Variants in GDAP1L1 observed in about 807,000 individuals in gnomAD.
GDAP1L1 encodes the protein ganglioside induced differentiation associated protein 1 like 1.
Under a neutral mutation model 37.1 loss-of-function variants are expected in GDAP1L1, and 21 were observed. The ratio of observed to expected loss-of-function variants is 0.57; its 90% CI spans 0.40 to 0.81. GDAP1L1 has a LOEUF of 0.81. GDAP1L1 is among the 40% of genes least tolerant of loss of function. The probability of loss-of-function intolerance (pLI) is 0.00; values close to 1 mark genes in which losing one functional copy is unlikely to be tolerated. For synonymous variants in GDAP1L1, 193 were observed against 209.1 expected (o/e 0.92, Z 0.67); for missense variants, 362 against 491.6 (o/e 0.74, Z 2.49).
chr20:44,278,916 G>A lies in GDAP1L1; in HGVS notation c.761-41G>A. 7 of 1,324,616 alleles carry A rather than the reference G, an allele frequency of 5.3e-6. No homozygotes were observed. The East Asian group carries it at 1.6e-4, about 30-fold the overall frequency. 82.1% of individuals were successfully genotyped at this position (1,324,616 alleles called of 1,614,324 possible). On this transcript the variant is annotated intron_variant, in intron 5 of 5. Transcript: ENST00000342560. ...TGGAGAGAAGCAAGTGTGTGTGTTA[G>A]GGGAGGCTGATCCCCTTGCCTCCTC...
intron 5 of GDAP1L1, chr20:44,265,176 A>G: frequency 1.0e-6 from 1 of 985,324 alleles, no homozygotes; most frequent in Non-Finnish European, 1.2e-6. Context: ...CAGACATCCA[A>G]GCTCACCCAG....
intron 1 of GDAP1L1, among the ~76,000 whole-genome samples, chr20:44,250,004 A>G (rs1044198346): frequency 1.4e-4 from 21 of 152,244 alleles, no homozygotes; most frequent in African/African-American, 4.3e-4. Flanking sequence ...CCTGGCATGT[A>G]GTAGGAGCTT....
chr20:44,247,236 G>A (rs1298416215), upstream of GDAP1L1: 1 of 1,191,140 alleles, frequency 8.4e-7, no homozygotes, highest in Non-Finnish European at 1.2e-6. Flanking sequence ...GGGGAGGGAG[G>A]GAGGAGAGGG....
rs138065743 is a variant in GDAP1L1, at chr20:44,253,572, G to C, written c.181-3581G>C. ...CTGACCCATGACAATGCGGCACTGT[G>C]GGTGATTTTCAGGCACCAACAGGGA... On this transcript the variant is annotated intron_variant, in intron 1 of 5. Transcript: ENST00000342560. 6.7e-3 allele frequency among the ~76,000 whole-genome samples: 1,025 copies of C among 152,312 alleles called. 17 individuals are homozygous for C. The highest frequency in any genetic ancestry group is 0.024 in the African/African-American group (980 of 41,574).
rs540534647 is a variant in GDAP1L1 at position 44,257,469 on chromosome 20, C to A, written c.373+124C>A. The A allele has an allele frequency of 5.4e-4, 529 of 985,746 alleles. 2 individuals are homozygous for A. The highest frequency in any genetic ancestry group is 8.2e-4 in the Admixed American group (30 of 36,472). 61.1% of individuals were successfully genotyped at this position (985,746 alleles called of 1,614,324 possible). On this transcript the variant is annotated intron_variant, in intron 2 of 5. Transcript: ENST00000342560. Reference sequence around the variant, plus strand: ...AAATTCACTGGAGCCATGGGCAAGGCCCAGTCTCCCCAAAAAGGAGCCACA... The same window carrying A: ...AAATTCACTGGAGCCATGGGCAAGGACCAGTCTCCCCAAAAAGGAGCCACA...
At chr20:44,255,034 C>A (rs1242423403) in intron 1 of GDAP1L1, among the ~76,000 whole-genome samples, 2 of 152,086 alleles carry the variant, frequency 1.3e-5, no homozygotes, top group African/African-American at 2.4e-5. Context: ...GTGACTTGTT[C>A]AAGGTCACAC....
At chr20:44,260,901 G>A (rs1339270944) in intron 3 of GDAP1L1, among the ~76,000 whole-genome samples, 4 of 152,168 alleles carry the variant, frequency 2.6e-5, no homozygotes, top group East Asian at 1.9e-4. Context: ...TGCATTTTAC[G>A]AAGATCTCTC....
At chr20:44,255,260 G>A (rs568486169) in intron 1 of GDAP1L1, among the ~76,000 whole-genome samples, 2 of 152,226 alleles carry the variant, frequency 1.3e-5, no homozygotes, top group East Asian at 1.9e-4. Flanking sequence ...AAGTAAAGCT[G>A]CCCAGGCATG....
chr20:44,258,750 C>A, intron 3 of GDAP1L1, 143 bp downstream of exon 3: 1 of 648,646 alleles, frequency 1.5e-6, no homozygotes, highest in African/African-American at 1.8e-5. Flanking sequence ...CTCCATTTGT[C>A]CCCGCCTCTC....
intron 4 of GDAP1L1, among the ~76,000 whole-genome samples, chr20:44,263,661 T>C (rs1458712964): frequency 6.6e-6 from 1 of 152,104 alleles, no homozygotes; most frequent in Non-Finnish European, 1.5e-5. Flanking sequence ...CTGGCCAACA[T>C]GGTGAAACCC....
intron 5 of GDAP1L1, among the ~76,000 whole-genome samples, chr20:44,272,048 G>T (rs2062522291): frequency 6.6e-6 from 1 of 152,168 alleles, no homozygotes; most frequent in African/African-American, 2.4e-5. Flanking sequence ...CATCACTGTT[G>T]CTCTCCCTCC....
intron 1 of GDAP1L1, 94 bp from the exon 2 acceptor site, chr20:44,257,059 C>T: frequency 1.5e-6 from 2 of 1,316,746 alleles, no homozygotes; most frequent in Middle Eastern, 2.7e-4. Context: ...CTGTGTGTGA[C>T]CTCTGACCTC....
At chr20:44,263,097 T>G (rs945273366) in intron 3 of GDAP1L1, 133 bp from the exon 4 acceptor site, 2 of 722,312 alleles carry the variant, frequency 2.8e-6, no homozygotes, top group Non-Finnish European at 5.0e-6. Flanking sequence ...CAGTGCTCCC[T>G]AAGTGTTGGC....
At chr20:44,276,346 G>C (rs2062573183) in intron 5 of GDAP1L1, among the ~76,000 whole-genome samples, 1 of 137,420 alleles carries the variant, frequency 7.3e-6, no homozygotes, top group Admixed American at 7.5e-5. Flanking sequence ...AAGAAAGAAA[G>C]AAAGAAGGAA....
intron 5 of GDAP1L1, among the ~76,000 whole-genome samples, chr20:44,273,365 T>A (rs2036979801): frequency 6.6e-6 from 1 of 152,188 alleles, no homozygotes; most frequent in South Asian, 2.1e-4. Context: ...ACCTAGTCCC[T>A]GGGCCTGTTC....
At chr20:44,257,735 G>C (rs1232257738) in intron 2 of GDAP1L1, among the ~76,000 whole-genome samples, 1 of 152,134 alleles carries the variant, frequency 6.6e-6, no homozygotes, top group Non-Finnish European at 1.5e-5. Context: ...ATCTCCCAGG[G>C]GTTACAGGGC....
At chr20:44,260,454 G>A (rs547557952) in intron 3 of GDAP1L1, among the ~76,000 whole-genome samples, 14 of 152,230 alleles carry the variant, frequency 9.2e-5, no homozygotes, top group Middle Eastern at 3.4e-3. Flanking sequence ...GCAGAGGACA[G>A]AGATTTACTT....
At chr20:44,269,421 G>A (rs937214590) in intron 5 of GDAP1L1, among the ~76,000 whole-genome samples, 1 of 152,098 alleles carries the variant, frequency 6.6e-6, no homozygotes. Context: ...GAGTTGTTCC[G>A]GTTTTATATT....
intron 3 of GDAP1L1, among the ~76,000 whole-genome samples, chr20:44,259,494 T>A (rs2073634378): frequency 1.4e-5 from 2 of 140,760 alleles, no homozygotes; most frequent in African/African-American, 5.8e-5. Flanking sequence ...GACTCAGAAT[T>A]TTTTTTTTTT....
Sources: allele counts gnomAD v4.1 joint callset (sites outside exome capture counted in the v4.1 genomes callset), GRCh38; gene constraint gnomAD v4.1.1; transcripts MANE v1.5; gene names NCBI Gene and HGNC (gene_info 2026-07-23, HGNC 2026-07-21).